Variants in NTM observed in about 807,000 individuals in gnomAD.
The protein encoded by NTM is IgLON family member 2.
NTM carries 13 observed loss-of-function variants against 42.1 expected under a neutral mutation model. The ratio of observed to expected loss-of-function variants is 0.31; its 90% confidence interval spans 0.20 to 0.49. The LOEUF (loss-of-function observed/expected upper bound fraction) is 0.49, where lower values mean the gene tolerates loss of function less well. NTM is among the 20% of genes least tolerant of loss of function. The probability of loss-of-function intolerance (pLI) is 0.99; values close to 1 mark genes in which losing one functional copy is unlikely to be tolerated. For missense variants in NTM, 373 were observed against 452.8 expected (o/e 0.82, Z 1.60); for synonymous variants, 187 against 179.2 (o/e 1.04, Z -0.35).
intron 1 of NTM, among the ~76,000 whole-genome samples, chr11:131,863,834 G>A (rs967224466): frequency 5.3e-5 from 8 of 152,180 alleles, no homozygotes; most frequent in East Asian, 1.9e-4. Flanking sequence ...ACCAGCCAGC[G>A]CTTGTAGGCC....
chr11:132,310,779 T>A (rs1174614557), intron 6 of NTM, among the ~76,000 whole-genome samples: 1 of 152,146 alleles, frequency 6.6e-6, no homozygotes, highest in Non-Finnish European at 1.5e-5. Context: ...GACTATTCCC[T>A]TCCTTCCCAT....
intron 2 of NTM, among the ~76,000 whole-genome samples, chr11:132,109,626 C>CCTA (rs1359381376): frequency 6.6e-6 from 1 of 152,182 alleles, no homozygotes; most frequent in Non-Finnish European, 1.5e-5. Context: ...CGAGTTAGCC[C>CCTA]CTACTTTCCC....
intron 2 of NTM, among the ~76,000 whole-genome samples, chr11:131,929,815 G>C (rs2058402042): frequency 6.6e-6 from 1 of 152,170 alleles, no homozygotes; most frequent in South Asian, 2.1e-4. Flanking sequence ...GCCGCTCCCT[G>C]GACTTTCCTT....
intron 2 of NTM, among the ~76,000 whole-genome samples, chr11:132,017,723 AT>A (rs1457863270): frequency 1.1e-4 from 16 of 152,142 alleles, no homozygotes; most frequent in African/African-American, 3.8e-4. Flanking sequence ...CATTTAGTTT[AT>A]AGATCAATTT....
At chr11:131,509,998 G>T (rs926238483) in intron 1 of NTM, among the ~76,000 whole-genome samples, 2 of 152,210 alleles carry the variant, frequency 1.3e-5, no homozygotes, top group African/African-American at 2.4e-5. Flanking sequence ...GATCTCGGGG[G>T]TGGGCCAGAG....
At chr11:131,798,856 G>A (rs1216677307) in intron 1 of NTM, among the ~76,000 whole-genome samples, 2 of 152,224 alleles carry the variant, frequency 1.3e-5, no homozygotes, top group African/African-American at 4.8e-5. Flanking sequence ...TCAGGAAGCA[G>A]ATGGTAACGC....
At chr11:131,974,403 G>A (rs923412494) in intron 2 of NTM, among the ~76,000 whole-genome samples, 4 of 152,148 alleles carry the variant, frequency 2.6e-5, no homozygotes, top group African/African-American at 7.2e-5. Flanking sequence ...ATTTTCCTTA[G>A]CACCTCAGAA....
chr11:131,522,930 T>G (rs1023342497), intron 1 of NTM, among the ~76,000 whole-genome samples: 1 of 152,250 alleles, frequency 6.6e-6, no homozygotes, highest in Non-Finnish European at 1.5e-5. Flanking sequence ...CATTAGTATT[T>G]CTTAAAAGCT....
At chr11:132,060,775 G>A (rs903263800) in intron 2 of NTM, among the ~76,000 whole-genome samples, 4 of 152,180 alleles carry the variant, frequency 2.6e-5, no homozygotes, top group African/African-American at 4.8e-5. Flanking sequence ...GAATGATTCA[G>A]AAATCAGTGT....
At position 132,268,452 on chromosome 11, in the gene NTM, CCTT is replaced by C. The variant is rs1394864312; in HGVS notation, c.527-39234_527-39232del. On this transcript the variant is annotated intron_variant, in intron 4 of 8. Transcript: ENST00000683400. ...ACAACACACATAAAATCATCAAACA[CCTT>C]CTGCATCTTGTTTTATTTTTGTTTT... Among the ~76,000 whole-genome samples, 181 of 152,276 alleles carry C rather than the reference CCTT, an allele frequency of 1.2e-3. 1 individual carries two copies. Among genetic ancestry groups the C allele is most frequent in the African/African-American group, 4.0e-3 (168 of 41,562 alleles).
intron 6 of NTM, among the ~76,000 whole-genome samples, chr11:132,313,327 C>A (rs1472137303): frequency 6.6e-6 from 1 of 150,774 alleles, no homozygotes; most frequent in Non-Finnish European, 1.5e-5. Flanking sequence ...CATCCATTTG[C>A]CCCAAAGCAT....
At chr11:131,495,738 G>T (rs913590256) in intron 1 of NTM, among the ~76,000 whole-genome samples, 1 of 152,220 alleles carries the variant, frequency 6.6e-6, no homozygotes, top group African/African-American at 2.4e-5. Context: ...GCTTCAAGCT[G>T]GGGAGGGGGA....
At chr11:131,387,274 C>T (rs1943435236) in intron 1 of NTM, among the ~76,000 whole-genome samples, 1 of 152,166 alleles carries the variant, frequency 6.6e-6, no homozygotes, top group Non-Finnish European at 1.5e-5. Flanking sequence ...CTATCAAAGT[C>T]ATCTGCTTCC....
intron 1 of NTM, among the ~76,000 whole-genome samples, chr11:131,680,652 T>C (rs1056128887): frequency 1.1e-3 from 129 of 117,932 alleles, no homozygotes; most frequent in African/African-American, 3.4e-3. Context: ...TGTAGGCATG[T>C]GTGCCTCTGT....
chr11:131,458,653 G>A (rs573476984), intron 1 of NTM, among the ~76,000 whole-genome samples: 26 of 152,344 alleles, frequency 1.7e-4, no homozygotes, highest in African/African-American at 6.0e-4. Context: ...CTAGCACCTA[G>A]CACAAGGCCT....
At chr11:131,605,328 T>C (rs1367947840) in intron 1 of NTM, among the ~76,000 whole-genome samples, 4 of 152,366 alleles carry the variant, frequency 2.6e-5, no homozygotes, top group African/African-American at 4.8e-5. Flanking sequence ...GTAAATGAAA[T>C]GATTTTCTTG....
At chr11:131,550,991 C>A (rs1232415806) in intron 1 of NTM, among the ~76,000 whole-genome samples, 2 of 152,116 alleles carry the variant, frequency 1.3e-5, no homozygotes, top group African/African-American at 4.8e-5. Flanking sequence ...TGACTCTCCA[C>A]CATTTGCATT....
At chr11:131,566,411 G>A in intron 1 of NTM, among the ~76,000 whole-genome samples, 1 of 144,718 alleles carries the variant, frequency 6.9e-6, no homozygotes, top group Non-Finnish European at 1.5e-5. Flanking sequence ...TGGTGCATGT[G>A]TGTGTGTGTG....
chr11:131,616,501 G>A (rs2137595261), intron 1 of NTM, among the ~76,000 whole-genome samples: 1 of 152,296 alleles, frequency 6.6e-6, no homozygotes, highest in East Asian at 1.9e-4. Flanking sequence ...TGGGCCCAGG[G>A]AAATCTGTCA....
Sources: allele counts gnomAD v4.1 joint callset (sites outside exome capture counted in the v4.1 genomes callset), GRCh38; gene constraint gnomAD v4.1.1; transcripts MANE v1.5; gene names NCBI Gene and HGNC (gene_info 2026-07-23, HGNC 2026-07-21).